Variants in STAT3 observed in about 807,000 individuals in gnomAD.
The protein encoded by STAT3 is DNA-binding protein APRF.
Under a neutral mutation model 114.3 loss-of-function variants are expected in STAT3, and 7 were observed. The ratio of observed to expected loss-of-function variants is 0.06; its 90% CI spans 0.03 to 0.11. STAT3 has a LOEUF of 0.11. Among genes scored for constraint, STAT3 ranks in the 10% least tolerant of loss-of-function variants. STAT3 has a pLI of 1.00. For synonymous variants in STAT3, 331 were observed against 354.5 expected (o/e 0.93, Z 0.74); for missense variants, 364 against 960.9 (o/e 0.38, Z 8.21).
chr17:42,367,712 A>G (rs529482561), intron 1 of STAT3, among the ~76,000 whole-genome samples: 17 of 152,232 alleles, frequency 1.1e-4, no homozygotes, highest in African/African-American at 4.1e-4. Flanking sequence ...TTGTTCATAT[A>G]TTTCTTTTTT....
Position 42,337,034 on chromosome 17 carries a change from G to A in STAT3, c.797+401C>T, listed in dbSNP as rs1433934112. Among the ~76,000 whole-genome samples, 3 of 151,850 alleles carry A rather than the reference G, an allele frequency of 2.0e-5. No homozygotes were observed. Among genetic ancestry groups the A allele is most frequent in the Non-Finnish European group, 4.4e-5 (3 of 67,930 alleles). ...CTGTCTCCCAGGCTGGTTGGTGTGC[G>A]GTAGTAAGATCTCCGCTCACTGCAA... On this transcript the variant is annotated intron_variant, in intron 8 of 23. Transcript: ENST00000264657. This position sits in a 1 kb window ranked among gnomAD's most constrained non-coding sequence, Gnocchi z 4.0.
intron 10 of STAT3, 58 bp from the exon 11 acceptor site, chr17:42,331,589 C>T (rs1333726700): frequency 7.2e-7 from 1 of 1,390,514 alleles, no homozygotes; most frequent in Admixed American, 1.7e-5. Flanking sequence ...ATAACCTTTT[C>T]TTGAAGAAAT....
chr17:42,321,909 G>C (rs2081500281), intron 21 of STAT3, among the ~76,000 whole-genome samples: 1 of 151,994 alleles, frequency 6.6e-6, no homozygotes, highest in African/African-American at 2.4e-5. Flanking sequence ...CTACAGCCTT[G>C]AACTCCTTGG....
At chr17:42,361,391 G>C (rs572164746) in intron 1 of STAT3, among the ~76,000 whole-genome samples, 3 of 151,964 alleles carry the variant, frequency 2.0e-5, no homozygotes, top group East Asian at 3.9e-4. Flanking sequence ...GCTGAGGCAG[G>C]AGAATCTCTT....
At chr17:42,378,277 T>TCTTG (rs1448472850) in intron 1 of STAT3, among the ~76,000 whole-genome samples, 1 of 136,470 alleles carries the variant, frequency 7.3e-6, no homozygotes, top group Non-Finnish European at 1.6e-5. Context: ...TGAGACGGAG[T>TCTTG]CTCTGTTGCC....
intron 1 of STAT3, among the ~76,000 whole-genome samples, chr17:42,369,247 AC>A: frequency 6.6e-6 from 1 of 152,160 alleles, no homozygotes; most frequent in Non-Finnish European, 1.5e-5. Flanking sequence ...AATCCCAGCT[AC>A]TCGGGAGGCT....
At chr17:42,379,664 C>T (rs768425866) in intron 1 of STAT3, among the ~76,000 whole-genome samples, 5 of 152,204 alleles carry the variant, frequency 3.3e-5, no homozygotes, top group Non-Finnish European at 5.9e-5. Flanking sequence ...ACCTTCAACA[C>T]TACCTGCACT....
chr17:42,343,914 A>T (rs2144954100), intron 4 of STAT3, among the ~76,000 whole-genome samples: 1 of 152,148 alleles, frequency 6.6e-6, no homozygotes, highest in East Asian at 1.9e-4. Flanking sequence ...TTCGAGGAAG[A>T]CCTATCTATC....
At chr17:42,350,870 C>T (rs1963987) in intron 1 of STAT3, among the ~76,000 whole-genome samples, 9,244 of 152,080 alleles carry the variant, frequency 0.061, 348 homozygotes, top group Non-Finnish European at 0.074. Context: ...CAGTGGCTCA[C>T]GCCTGTAATC....
Position 42,388,441 on chromosome 17 carries a change from A to G in STAT3, c.-186T>C, listed in dbSNP as rs972597428. 6.5e-6 allele frequency: 8 copies of G among 1,231,650 alleles called. No individual in the cohort carries two copies. The African/African-American group carries it at 9.3e-5, about 14-fold the overall frequency. 76.3% of individuals were successfully genotyped at this position (1,231,650 alleles called of 1,614,324 possible). A position where few individuals can be genotyped will look rare whatever the true frequency, so the allele number is the denominator to read the frequency against. On this transcript the variant is annotated 5_prime_UTR_variant, in exon 1 of 24. Coordinates refer to ENST00000264657, the MANE Select transcript of STAT3 (RefSeq NM_139276.3). Reference sequence around the variant, plus strand: ...GTTGGGGCTTGTTCCCTCGGCTGCGACGTCGGAACCCCCGGCTCCCCCTCC... The same window carrying G: ...GTTGGGGCTTGTTCCCTCGGCTGCGGCGTCGGAACCCCCGGCTCCCCCTCC...
intron 1 of STAT3, chr17:42,387,337 A>T (rs554089612): frequency 6.6e-6 from 1 of 152,152 alleles, no homozygotes; most frequent in South Asian, 2.1e-4. Flanking sequence ...GTTTGCACAC[A>T]TGGTTTTTTC....
At chr17:42,341,878 A>C (rs2082456308) in intron 4 of STAT3, among the ~76,000 whole-genome samples, 1 of 151,938 alleles carries the variant, frequency 6.6e-6, no homozygotes, top group Non-Finnish European at 1.5e-5. Flanking sequence ...CATTTACAAA[A>C]ACAAGCAGCA....
Position 42,333,819 on chromosome 17 carries a change from C to G in STAT3, c.957-54G>C. ...CCACGGCCATGACCAGAAGTCAGCC[C>G]GCCTCTCACTCTACCACGTGAGTCT... is the stretch of plus-strand genomic sequence containing the variant. On this transcript the variant is annotated intron_variant, in intron 9 of 23. Coordinates refer to ENST00000264657, the MANE Select transcript of STAT3 (RefSeq NM_139276.3). This position sits in a 1 kb window ranked among gnomAD's most constrained non-coding sequence, Gnocchi z 5.2. 1.2e-6 allele frequency: 2 copies of G among 1,614,028 alleles called. No individual in the cohort carries two copies. The highest frequency in any genetic ancestry group is 1.3e-5 in the African/African-American group (1 of 75,038).
intron 1 of STAT3, among the ~76,000 whole-genome samples, chr17:42,385,429 A>C (rs1185155416): frequency 6.6e-6 from 1 of 151,490 alleles, no homozygotes; most frequent in Non-Finnish European, 1.5e-5. Context: ...GAATCACTTG[A>C]ACCCGGGAGG....
chr17:42,356,482 G>A (rs994397107), intron 1 of STAT3, among the ~76,000 whole-genome samples: 1 of 150,068 alleles, frequency 6.7e-6, no homozygotes, highest in African/African-American at 2.5e-5. Context: ...ACATGTTGAT[G>A]TAATTCCTTT....
intron 1 of STAT3, among the ~76,000 whole-genome samples, chr17:42,351,797 C>T (rs1013213152): frequency 1.3e-5 from 2 of 152,050 alleles, no homozygotes; most frequent in Admixed American, 6.6e-5. Context: ...GAGATGGAAT[C>T]GCCTAGGCTG....
intron 1 of STAT3, among the ~76,000 whole-genome samples, chr17:42,381,785 T>C (rs972335873): frequency 1.3e-5 from 2 of 150,708 alleles, no homozygotes; most frequent in African/African-American, 4.9e-5. Context: ...GATAACCTGG[T>C]AAACAGAAAG....
intron 21 of STAT3, 63 bp from the exon 22 acceptor site, chr17:42,317,287 A>G (rs368221169): frequency 6.3e-7 from 1 of 1,584,146 alleles, no homozygotes; most frequent in Non-Finnish European, 8.6e-7. Context: ...GCAGAGCTGG[A>G]GGAAGCCATC....
chr17:42,316,695 C>T (rs769474707), intron 23 of STAT3, 94 bp downstream of exon 23: 23 of 1,575,102 alleles, frequency 1.5e-5, no homozygotes, highest in South Asian at 5.8e-5. Flanking sequence ...CCTACCATTC[C>T]GAGTGACCAG....
Sources: allele counts gnomAD v4.1 joint callset (sites outside exome capture counted in the v4.1 genomes callset), GRCh38; gene constraint gnomAD v4.1.1; non-coding constraint Gnocchi (gnomAD v3.1); transcripts MANE v1.5; gene names NCBI Gene and HGNC (gene_info 2026-07-23, HGNC 2026-07-21).